Variants in NEK7 observed in about 807,000 individuals in gnomAD.
NEK7 encodes NIMA related kinase 7.
A neutral mutation model predicts 44.6 loss-of-function variants in NEK7; 18 were observed. That is an observed-to-expected ratio of 0.40 (90% CI 0.28 to 0.60). NEK7 has a LOEUF of 0.60. NEK7 is among the 20% of genes least tolerant of loss of function. NEK7 has a pLI of 0.38. For missense variants in NEK7, 256 were observed against 366.5 expected (o/e 0.70, Z 2.46); for synonymous variants, 130 against 121.1 (o/e 1.07, Z -0.48).
At chr1:198,217,510 C>G (rs887520119) in intron 1 of NEK7, among the ~76,000 whole-genome samples, 1 of 151,962 alleles carries the variant, frequency 6.6e-6, no homozygotes, top group African/African-American at 2.4e-5. Flanking sequence ...AAAAGCATTC[C>G]CCCTAAGAAC....
intron 2 of NEK7, among the ~76,000 whole-genome samples, chr1:198,243,095 C>T (rs1394236816): frequency 6.6e-6 from 1 of 152,162 alleles, no homozygotes; most frequent in Admixed American, 6.5e-5. Flanking sequence ...AAGACATTTT[C>T]TCCAGATGTT....
At chr1:198,270,016 T>C (rs1653786293) in intron 5 of NEK7, among the ~76,000 whole-genome samples, 2 of 152,070 alleles carry the variant, frequency 1.3e-5, no homozygotes, top group Admixed American at 1.3e-4. Context: ...GACACATACA[T>C]GCTCCATTTT....
chr1:198,309,237 A>C (rs1401682430), intron 9 of NEK7, among the ~76,000 whole-genome samples: 1 of 152,052 alleles, frequency 6.6e-6, no homozygotes, highest in Non-Finnish European at 1.5e-5. Context: ...GAGGTGTTAT[A>C]AACAGAGGAG....
Position 198,264,142 on chromosome 1 carries a change from T to C in NEK7, c.279T>C (p.Asn93=), listed in dbSNP as rs764152220. Residue 93 remains asparagine, a synonymous_variant, in exon 5 of 10, where the codon AAT becomes AAC. Transcript: ENST00000367385. ...IDLLKQLNHP[N]VIKYYASFIE... ...TTTCTCAGCAACTCAACCATCCAAA[T>C]GTAATAAAATATTATGCATCATTCA... 3.2e-5 allele frequency: 51 copies of C among 1,591,566 alleles called. No individual in the cohort carries two copies. Among genetic ancestry groups the C allele is most frequent in the Non-Finnish European group, 4.4e-5 (51 of 1,171,994 alleles).
At chr1:198,277,747 CA>C in intron 5 of NEK7, 1 of 454,112 alleles carries the variant, frequency 2.2e-6, no homozygotes, top group Non-Finnish European at 3.9e-6. Context: ...TACTGTTACA[CA>C]GTTTCCGCTA....
intron 5 of NEK7, among the ~76,000 whole-genome samples, chr1:198,274,355 T>C (rs1213801676): frequency 6.6e-6 from 1 of 151,568 alleles, no homozygotes; most frequent in Non-Finnish European, 1.5e-5. Flanking sequence ...AGTCCCTTTG[T>C]TAAAAATTAA....
intron 1 of NEK7, among the ~76,000 whole-genome samples, chr1:198,211,454 A>T (rs530212264): frequency 1.3e-5 from 2 of 152,308 alleles, no homozygotes; most frequent in African/African-American, 4.8e-5. Context: ...ATCTCAGGCC[A>T]TTCCTAATGG....
chr1:198,254,283 T>C (rs1475424), intron 3 of NEK7, among the ~76,000 whole-genome samples: 78,245 of 151,998 alleles, frequency 0.51, 23,470 homozygotes, highest in East Asian at 0.9. Flanking sequence ...ATGTGTGTGC[T>C]ACTCCCTTCC....
At chr1:198,292,159 T>G (rs921998383) in intron 7 of NEK7, among the ~76,000 whole-genome samples, 1 of 152,082 alleles carries the variant, frequency 6.6e-6, no homozygotes, top group Non-Finnish European at 1.5e-5. Flanking sequence ...GAAAGTCACT[T>G]AAATATTTTT....
intron 5 of NEK7, among the ~76,000 whole-genome samples, chr1:198,270,834 A>G (rs1653812872): frequency 6.6e-6 from 1 of 152,082 alleles, no homozygotes; most frequent in Non-Finnish European, 1.5e-5. Flanking sequence ...TTATTACTCT[A>G]GATTCCTGTG....
chr1:198,284,285 G>A (rs1571603441), intron 7 of NEK7, among the ~76,000 whole-genome samples: 1 of 152,164 alleles, frequency 6.6e-6, no homozygotes, highest in South Asian at 2.1e-4. Flanking sequence ...TCAGTTCCTT[G>A]TGACATTTTT....
chr1:198,188,505 C>G (rs1353474074), intron 1 of NEK7, among the ~76,000 whole-genome samples: 1 of 151,972 alleles, frequency 6.6e-6, no homozygotes, highest in Non-Finnish European at 1.5e-5. Flanking sequence ...TAGCAGCTAG[C>G]AGGGAAGCCT....
chr1:198,222,699 C>G (rs1033263622), intron 1 of NEK7, among the ~76,000 whole-genome samples: 1 of 152,144 alleles, frequency 6.6e-6, no homozygotes, highest in Non-Finnish European at 1.5e-5. Context: ...CGATGTTTAT[C>G]GAGTGTCCAT....
At chr1:198,181,605 C>T (rs761558143) in intron 1 of NEK7, among the ~76,000 whole-genome samples, 47 of 152,002 alleles carry the variant, frequency 3.1e-4, no homozygotes, top group Non-Finnish European at 6.5e-4. Context: ...TATCATATTC[C>T]AGTGCTTTTC....
At chr1:198,247,433 T>A (rs891048425) in intron 2 of NEK7, among the ~76,000 whole-genome samples, 7 of 152,212 alleles carry the variant, frequency 4.6e-5, no homozygotes, top group African/African-American at 1.4e-4. Context: ...TTTGATGACA[T>A]CTACATGATG....
rs192874479 is a variant in NEK7 at position 198,230,321 on chromosome 1, A to T, written c.-28-2232A>T. Among the ~76,000 whole-genome samples the T allele has an allele frequency of 6.6e-5, 10 of 152,300 alleles. No individual in the cohort carries two copies. In the East Asian group the frequency reaches 1.9e-3, roughly 29 times the overall value. ...ACCTTGAATCCAATACTGCATAAACATGATTATTTATCATGACCAAGTGGG... is the reference window on the plus strand; with the variant it reads ...ACCTTGAATCCAATACTGCATAAACTTGATTATTTATCATGACCAAGTGGG... On this transcript the variant is annotated intron_variant, in intron 1 of 9. Transcript: ENST00000367385.
At chr1:198,226,114 A>G (rs1666215555) in intron 1 of NEK7, among the ~76,000 whole-genome samples, 1 of 151,914 alleles carries the variant, frequency 6.6e-6, no homozygotes, top group Non-Finnish European at 1.5e-5. Context: ...AAAATATTTT[A>G]TATATTAAAA....
chr1:198,179,094 G>T (rs1465601654), intron 1 of NEK7, among the ~76,000 whole-genome samples: 1 of 147,326 alleles, frequency 6.8e-6, no homozygotes, highest in Non-Finnish European at 1.5e-5. Flanking sequence ...TCATATGTTT[G>T]TCCTTATTTC....
intron 3 of NEK7, chr1:198,256,354 A>T: frequency 6.2e-7 from 1 of 1,610,966 alleles, no homozygotes; most frequent in Non-Finnish European, 8.5e-7. Flanking sequence ...TATGGGAAAG[A>T]AGAGTGTGTG....
Sources: gnomAD v4.1 joint callset for allele counts (sites outside exome capture counted in the v4.1 genomes callset) on GRCh38, gnomAD v4.1.1 for gene constraint, MANE v1.5 for transcripts, NCBI Gene and HGNC (gene_info 2026-07-23, HGNC 2026-07-21) for gene names.